The following HBG2 variants were observed in gnomAD, a reference collection of about 807,000 sequenced individuals.
HBG2 encodes the protein hemoglobin subunit gamma-2.
For synonymous variants in HBG2, 25 were observed against 63.2 expected (o/e 0.40, Z 2.87); for missense variants, 59 against 155.7 (o/e 0.38, Z 3.31).
At position 5,253,368 on chromosome 11, in the gene HBG2, T is replaced by C. The variant is rs36049074; in HGVS notation, c.353A>G (p.His118Arg). The part of the protein sequence containing the change: ...GNVLVTVLAI[H>R]FGKEFTPEVQ... Reference sequence around the variant, plus strand: ...CTCAGGGGTGAATTCTTTGCCGAAATGGATTGCCAAAACGGTCACCAGCAC... The same window carrying C: ...CTCAGGGGTGAATTCTTTGCCGAAACGGATTGCCAAAACGGTCACCAGCAC... The change falls in exon 3 of 3, where the codon CAT becomes CGT. Residue 118 changes from histidine to arginine, a missense_variant. Physicochemically the swap from His to Arg is conservative, Grantham distance 29. Coordinates refer to ENST00000336906, the MANE Select transcript of HBG2 (RefSeq NM_000184.3). 5 of 1,613,654 alleles carry C rather than the reference T, an allele frequency of 3.1e-6. No individual in the cohort carries two copies. Among genetic ancestry groups the C allele is most frequent in the Middle Eastern group, 1.7e-4 (1 of 6,060 alleles).
Position 5,254,186 on chromosome 11 carries a change from C to T in HBG2, c.315+106G>A, listed in dbSNP as rs369116630. 67 of 1,360,666 alleles carry T rather than the reference C, an allele frequency of 4.9e-5. No individual in the cohort carries two copies. The East Asian group carries it at 5.9e-4, about 12-fold the overall frequency. The allele number at this position is 1,360,666 out of a possible 1,614,324, so 84.3% of individuals were successfully genotyped here. On this transcript the variant is annotated intron_variant, in intron 2 of 2. Coordinates refer to ENST00000336906, the MANE Select transcript of HBG2 (RefSeq NM_000184.3). ...TCTGCAGTTTCTTCACTCCCAACCC[C>T]AGTATCTTCAAACAGCTCACACCCT... is the stretch of plus-strand genomic sequence containing the variant.
rs756811203 is a variant in HBG2 at position 5,254,293 on chromosome 11, T to G, written c.314A>C (p.Lys105Thr). ...DKLHVDPENFKLLGNVLVTVL... is the reference protein window; with the variant it reads ...DKLHVDPENFTLLGNVLVTVL... ...TGCTGAAACATCTCCTGGACTCACCTTGAAGTTCTCAGGATCCACATGCAG... is the reference window on the plus strand; with the variant it reads ...TGCTGAAACATCTCCTGGACTCACCGTGAAGTTCTCAGGATCCACATGCAG... Residue 105 changes from lysine to threonine, a missense_variant and splice_region_variant, in exon 2 of 3, where the codon AAG becomes ACG. Lys to Thr is a moderately conservative substitution (Grantham distance 78). Transcript: ENST00000336906. The G allele has an allele frequency of 2.5e-6, 4 of 1,614,274 alleles. No individual in the cohort carries two copies.
intron 2 of HBG2, among the ~76,000 whole-genome samples, chr11:5,253,698 G>GCACGCACACACACACACACA (rs1847980764): frequency 2.2e-5 from 3 of 134,460 alleles, no homozygotes; most frequent in South Asian, 2.5e-4. Context: ...ACACACGCGC[G>GCACGCACACACACACACACA]CACACACACA....
intron 2 of HBG2, among the ~76,000 whole-genome samples, chr11:5,253,698 G>GCACACACACGCA (rs1847980895): frequency 7.4e-6 from 1 of 134,460 alleles, no homozygotes; most frequent in Non-Finnish European, 1.7e-5. Context: ...ACACACGCGC[G>GCACACACACGCA]CACACACACA....
intron 2 of HBG2, among the ~76,000 whole-genome samples, chr11:5,253,635 T>C (rs1465389996): frequency 6.6e-6 from 1 of 151,980 alleles, no homozygotes; most frequent in Non-Finnish European, 1.5e-5. Context: ...ATGAACCCTG[T>C]ATGCTGTAGG....
Position 5,253,273 on chromosome 11 carries a change from G to C in HBG2, c.*4C>G. ...TTGAAAGCTCTGCATCATGGGCAGT[G>C]AGCTCAGTGGTATCTGGAGGACAGG... On this transcript the variant is annotated 3_prime_UTR_variant, in exon 3 of 3. Transcript: ENST00000336906. 1 of 1,609,186 alleles carries C rather than the reference G, an allele frequency of 6.2e-7. No homozygotes were observed. The highest frequency in any genetic ancestry group is 8.5e-7 in the Non-Finnish European group (1 of 1,179,606).
intron 2 of HBG2, among the ~76,000 whole-genome samples, 154 bp from the exon 3 acceptor site, chr11:5,253,559 G>A (rs553334475): frequency 3.3e-5 from 5 of 152,182 alleles, no homozygotes; most frequent in African/African-American, 1.2e-4. Context: ...ATTAAATGCA[G>A]GTAGTTGTTC....
At chr11:5,254,176 CT>C in intron 2 of HBG2, 115 bp downstream of exon 2, 1 of 1,231,442 alleles carries the variant, frequency 8.1e-7, no homozygotes, top group Non-Finnish European at 1.2e-6. Context: ...AGTTTCTTCA[CT>C]CCCAACCCCA....
chr11:5,254,626 C>T lies in HBG2; in HGVS notation c.92+11G>A. On this transcript the variant is annotated intron_variant, in intron 1 of 2. Coordinates refer to ENST00000336906, the MANE Select transcript of HBG2 (RefSeq NM_000184.3). ...TTCCTTCCCTCCCTTGTCCTGGTCA[C>T]CAGAGCCTACCTTCCCAGGGTTTCT... The T allele has an allele frequency of 9.5e-7, 1 of 1,055,606 alleles. No individual in the cohort carries two copies. The highest frequency in any genetic ancestry group is 1.4e-5 in the South Asian group (1 of 73,814). 65.4% of individuals were successfully genotyped at this position (1,055,606 alleles called of 1,614,324 possible).
At chr11:5,253,698 G>GCGCACACACACACACACACACA (rs141297974) in intron 2 of HBG2, among the ~76,000 whole-genome samples, 53 of 134,556 alleles carry the variant, frequency 3.9e-4, no homozygotes, top group East Asian at 3.7e-3. Context: ...ACACACGCGC[G>GCGCACACACACACACACACACA]CACACACACA....
intron 2 of HBG2, among the ~76,000 whole-genome samples, chr11:5,253,698 GCA>G (rs1554922324): frequency 1.2e-4 from 16 of 134,374 alleles, no homozygotes; most frequent in East Asian, 2.2e-4. Flanking sequence ...ACACACGCGC[GCA>G]CACACACACA....
chr11:5,254,206 C>T (rs1364032349), intron 2 of HBG2, 86 bp downstream of exon 2: 2 of 1,572,886 alleles, frequency 1.3e-6, no homozygotes, highest in Admixed American at 1.7e-5. Context: ...AAACAGCTCA[C>T]ACCCTGCTGT....
chr11:5,253,719 C>CACACACACACAG (rs1249932162), intron 2 of HBG2, among the ~76,000 whole-genome samples: 457 of 150,686 alleles, frequency 3.0e-3, no homozygotes, highest in African/African-American at 0.011. Context: ...CACACACACA[C>CACACACACACAG]AGAGCTGACT....
chr11:5,253,956 C>T (rs1204923138), intron 2 of HBG2, among the ~76,000 whole-genome samples: 6 of 151,944 alleles, frequency 3.9e-5, no homozygotes, highest in Admixed American at 1.3e-4. Flanking sequence ...AATGACCATA[C>T]TTGTCCTGCC....
chr11:5,254,099 G>T lies in HBG2; in HGVS notation c.315+193C>A, dbSNP rs573719876. Among the ~76,000 whole-genome samples, 56 of 151,966 alleles carry T rather than the reference G, an allele frequency of 3.7e-4. 1 individual carries two copies. The highest frequency in any genetic ancestry group is 6.3e-4 in the African/African-American group (26 of 41,228). On this transcript the variant is annotated intron_variant, in intron 2 of 2. Coordinates refer to ENST00000336906, the MANE Select transcript of HBG2 (RefSeq NM_000184.3). The stretch of plus-strand genomic sequence containing the variant: ...TCTCAAAGTCAAAGTTGTCCATCTA[G>T]ATTTTCAGAGGCACTCCTTAGGCCC...
intron 2 of HBG2, 107 bp downstream of exon 2, chr11:5,254,185 C>T (rs2133613234): frequency 1.5e-6 from 2 of 1,352,586 alleles, no homozygotes; most frequent in South Asian, 2.4e-5. Flanking sequence ...ACTCCCAACC[C>T]CAGTATCTTC....
At chr11:5,253,893 C>G (rs923244770) in intron 2 of HBG2, among the ~76,000 whole-genome samples, 3 of 152,042 alleles carry the variant, frequency 2.0e-5, no homozygotes, top group Non-Finnish European at 4.4e-5. Flanking sequence ...GTTTGGCCAC[C>G]AAAGTTCCCC....
chr11:5,254,251 G>A (rs753431562), intron 2 of HBG2, 41 bp downstream of exon 2: 24 of 1,613,024 alleles, frequency 1.5e-5, no homozygotes, highest in South Asian at 3.3e-5. Flanking sequence ...AAGTTGCCTC[G>A]AGACTAAAGG....
At position 5,253,330 on chromosome 11, in the gene HBG2, A is replaced by C. The variant is rs35826780; in HGVS notation, c.391T>G (p.Trp131Gly). The C allele has an allele frequency of 6.2e-7, 1 of 1,614,084 alleles. No individual in the cohort carries two copies. Among genetic ancestry groups the C allele is most frequent in the Non-Finnish European group, 8.5e-7 (1 of 1,179,964 alleles). ...KEFTPEVQAS[W>G]QKMVTGVASA... is the part of the protein sequence containing the mutation. ...GCCACTCCAGTCACCATCTTCTGCC[A>C]GGAAGCCTGCACCTCAGGGGTGAAT... The change falls in exon 3 of 3, where the codon TGG becomes GGG. Residue 131 changes from tryptophan to glycine, a missense_variant. By Grantham distance (184) the Trp-to-Gly change is radical. Transcript: ENST00000336906.
Sources: gnomAD v4.1 joint callset for allele counts (sites outside exome capture counted in the v4.1 genomes callset) on GRCh38, gnomAD v4.1.1 for gene constraint, MANE v1.5 for transcripts, NCBI Gene and HGNC (gene_info 2026-07-23, HGNC 2026-07-21) for gene names.